The following R3HDM2 variants were observed in gnomAD, a reference collection of about 807,000 sequenced individuals.
R3HDM2 encodes the protein R3H domain containing 2.
A neutral mutation model predicts 124.5 loss-of-function variants in R3HDM2; 38 were observed. That is an observed-to-expected ratio of 0.31 (90% CI 0.24 to 0.40). The LOEUF (loss-of-function observed/expected upper bound fraction) is 0.40. Ranked by LOEUF, R3HDM2 falls within the 10% of genes least tolerant of loss-of-function variation. The pLI is 1.00. For missense variants in R3HDM2, 869 were observed against 1,236.9 expected (o/e 0.70, Z 4.46); for synonymous variants, 391 against 448.0 (o/e 0.87, Z 1.61).
rs1483925235 is a variant in R3HDM2, at chr12:57,327,327, CATG to C, written c.-35-16867_-35-16865del. 4.6e-5 allele frequency among the ~76,000 whole-genome samples: 7 copies of C among 152,028 alleles called. No individual in the cohort carries two copies. In the East Asian group the frequency reaches 1.2e-3, roughly 25 times the overall value. Reference sequence around the variant, plus strand: ...ACTAAAAATATAAAAATTAGCCAGGCATGGTGGTGGGGGCCTGTAATCCCAGCT... The same window carrying C: ...ACTAAAAATATAAAAATTAGCCAGGCGTGGTGGGGGCCTGTAATCCCAGCT... On this transcript the variant is annotated intron_variant, in intron 2 of 23. Transcript: ENST00000402412.
In R3HDM2 at chr12:57,377,918, T is replaced by C. The variant is rs1291807019; in HGVS notation, c.-36+17831A>G. ...GCCTGACCAACGTGGTAAAACCCCA[T>C]CTCTACTAAAAATACAAAAATTAGC... On this transcript the variant is annotated intron_variant, in intron 2 of 23. Transcript: ENST00000402412. Among the ~76,000 whole-genome samples, 11 of 152,204 alleles carry C rather than the reference T, an allele frequency of 7.2e-5. No homozygotes were observed. The South Asian group carries it at 1.9e-3, about 26-fold the overall frequency.
chr12:57,388,241 AG>A (rs915996620), intron 2 of R3HDM2, among the ~76,000 whole-genome samples: 12 of 152,346 alleles, frequency 7.9e-5, no homozygotes, highest in Non-Finnish European at 1.5e-4. Context: ...CTGGGATTAC[AG>A]GCGTGAGCCA....
intron 6 of R3HDM2, among the ~76,000 whole-genome samples, chr12:57,298,767 G>A (rs1195157882): frequency 2.0e-5 from 3 of 151,210 alleles, no homozygotes; most frequent in Non-Finnish European, 4.4e-5. Context: ...TTCAAGACCA[G>A]CCTGGCCAAC....
chr12:57,430,495 G>A, intron 1 of R3HDM2: 4 of 343,286 alleles, frequency 1.2e-5, no homozygotes, highest in Non-Finnish European at 1.6e-5. Context: ...CCCTGCCCCC[G>A]CACCGCCGCC....
chr12:57,265,548 G>GAAAAAGA (rs755901614), intron 19 of R3HDM2, among the ~76,000 whole-genome samples: 18 of 145,142 alleles, frequency 1.2e-4, no homozygotes, highest in Non-Finnish European at 9.1e-5. Context: ...GAAAAGAAAA[G>GAAAAAGA]AAAAAGAAAA....
chr12:57,414,472 G>C (rs1434410583), intron 1 of R3HDM2, among the ~76,000 whole-genome samples: 5 of 71,168 alleles, frequency 7.0e-5, no homozygotes, highest in African/African-American at 2.9e-4. Context: ...CCTGGGCAAA[G>C]AGAAAGACTC....
At chr12:57,301,381 T>C (rs1353346663) in intron 4 of R3HDM2, among the ~76,000 whole-genome samples, 1 of 152,262 alleles carries the variant, frequency 6.6e-6, no homozygotes, top group African/African-American at 2.4e-5. Flanking sequence ...AATACCAAAG[T>C]ACAAAACATG....
intron 1 of R3HDM2, chr12:57,418,347 G>T: frequency 1.0e-6 from 1 of 985,394 alleles, no homozygotes; most frequent in Non-Finnish European, 1.2e-6. Context: ...AAGGCCTCCA[G>T]AGCTTTCTTT....
chr12:57,425,551 G>A (rs2070656826), intron 1 of R3HDM2, among the ~76,000 whole-genome samples: 1 of 152,140 alleles, frequency 6.6e-6, no homozygotes, highest in Non-Finnish European at 1.5e-5. Flanking sequence ...TGTAATCCCA[G>A]CACTTTGGGA....
At chr12:57,326,836 T>C (rs2136448073) in intron 2 of R3HDM2, among the ~76,000 whole-genome samples, 1 of 152,202 alleles carries the variant, frequency 6.6e-6, no homozygotes, top group South Asian at 2.1e-4. Flanking sequence ...CAATATTAAT[T>C]TACCATTCTG....
intron 2 of R3HDM2, among the ~76,000 whole-genome samples, chr12:57,357,352 C>T (rs570944591): frequency 6.6e-6 from 1 of 151,744 alleles, no homozygotes; most frequent in South Asian, 2.1e-4. Context: ...GTCCCAGCTA[C>T]TTGGAAGGCT....
chr12:57,293,478 T>C (rs1316855434), intron 10 of R3HDM2, among the ~76,000 whole-genome samples: 2 of 151,762 alleles, frequency 1.3e-5, no homozygotes, highest in Non-Finnish European at 2.9e-5. Context: ...CTCTAGAAAA[T>C]GTAGTGAGGT....
At chr12:57,380,589 A>G (rs1321859286) in intron 2 of R3HDM2, among the ~76,000 whole-genome samples, 4 of 152,206 alleles carry the variant, frequency 2.6e-5, no homozygotes, top group Non-Finnish European at 4.4e-5. Flanking sequence ...TACTGGTCTG[A>G]TTCCGAAACT....
At chr12:57,264,241 CAAAA>C (rs550732747) in intron 19 of R3HDM2, among the ~76,000 whole-genome samples, 1 of 107,734 alleles carries the variant, frequency 9.3e-6, no homozygotes. Context: ...GACTCTGTCT[CAAAA>C]AAAAAAAAAA....
chr12:57,360,022 T>C (rs561309182), intron 2 of R3HDM2, among the ~76,000 whole-genome samples: 266 of 90,246 alleles, frequency 2.9e-3, no homozygotes, highest in East Asian at 0.012. Context: ...TATATATATA[T>C]ACACACATAT....
intron 2 of R3HDM2, among the ~76,000 whole-genome samples, chr12:57,371,083 C>CCTTTTTTTTT (rs2063312149): frequency 4.9e-5 from 2 of 40,886 alleles, no homozygotes; most frequent in African/African-American, 8.6e-5. Flanking sequence ...TATACCATTA[C>CCTTTTTTTTT]TTTTTTTTTT....
intron 2 of R3HDM2, among the ~76,000 whole-genome samples, chr12:57,317,686 A>T (rs1403114567): frequency 2.7e-5 from 4 of 150,612 alleles, no homozygotes; most frequent in African/African-American, 4.9e-5. Context: ...AAAAAAAAAA[A>T]AAGGGTATAT....
chr12:57,277,532 A>C (rs1243025713), intron 14 of R3HDM2, among the ~76,000 whole-genome samples: 1 of 151,520 alleles, frequency 6.6e-6, no homozygotes, highest in Non-Finnish European at 1.5e-5. Flanking sequence ...TCCACCTCCC[A>C]GGTTCAAGCA....
At position 57,293,937 on chromosome 12, in the gene R3HDM2, G is replaced by A. The variant is rs79030422; in HGVS notation, c.811-1270C>T. On this transcript the variant is annotated intron_variant, in intron 10 of 23. Transcript: ENST00000402412. The stretch of plus-strand genomic sequence containing the variant: ...GGAGCTATATTGTCCTCAGCCCCTA[G>A]GTAAATCAATGGCAAAGTAGAAAGA... Among the ~76,000 whole-genome samples the A allele has an allele frequency of 1.0e-3, 157 of 152,266 alleles. 1 individual carries two copies. The highest frequency in any genetic ancestry group is 2.0e-3 in the Non-Finnish European group (135 of 68,018).
Sources: allele counts gnomAD v4.1 joint callset (sites outside exome capture counted in the v4.1 genomes callset), GRCh38; gene constraint gnomAD v4.1.1; transcripts MANE v1.5; gene names NCBI Gene and HGNC (gene_info 2026-07-23, HGNC 2026-07-21).